The following DDX46 variants were observed in gnomAD, a reference collection of about 807,000 sequenced individuals.
DDX46 encodes the protein probable ATP-dependent RNA helicase DDX46.
A neutral mutation model predicts 134.9 loss-of-function variants in DDX46; 30 were observed. The ratio of observed to expected loss-of-function variants is 0.22; its 90% CI spans 0.17 to 0.30. The LOEUF is 0.30. Among genes scored for constraint, DDX46 ranks in the 10% least tolerant of loss-of-function variants. The pLI is 1.00. For missense variants in DDX46, 622 were observed against 1,248.7 expected (o/e 0.50, Z 7.56); for synonymous variants, 415 against 404.1 (o/e 1.03, Z -0.32).
rs1755725465 is a variant in DDX46, at chr5:134,831,089, A to G, written c.*2383A>G. On this transcript the variant is annotated 3_prime_UTR_variant, in exon 23 of 23. Coordinates refer to ENST00000452510, the MANE Select transcript of DDX46 (RefSeq NM_001300860.2). Reference sequence around the variant, plus strand: ...ATGAATATTTGCTCATGTTTTCTAAATTCCTTATAAAATAAAATTAATTCG... The same window carrying G: ...ATGAATATTTGCTCATGTTTTCTAAGTTCCTTATAAAATAAAATTAATTCG... 6.6e-6 allele frequency: 1 copy of G among 152,140 alleles called. No individual in the cohort carries two copies. The highest frequency in any genetic ancestry group is 2.1e-4 in the South Asian group (1 of 4,830). The allele number at this position is 152,140 out of a possible 1,614,324, so 9.4% of individuals were successfully genotyped here. A position where few individuals can be genotyped will look rare whatever the true frequency, so the allele number is the denominator to read the frequency against.
In DDX46 at chr5:134,815,706, CAAAAAAAAAA is replaced by C. The variant is rs374562980; in HGVS notation, c.2437-707_2437-698del. ...TGGGAGACAGAGCGAGACTCTGTCT[CAAAAAAAAAA>C]AAAAAAAAAAAAAAAAGAAATGCAC... On this transcript the variant is annotated intron_variant, in intron 18 of 22. Transcript: ENST00000452510. Among the ~76,000 whole-genome samples, 19 of 28,696 alleles carry C rather than the reference CAAAAAAAAAA, an allele frequency of 6.6e-4. No homozygotes were observed. The South Asian group carries it at 0.022, about 34-fold the overall frequency. 18.8% of individuals were successfully genotyped at this position (28,696 alleles called of 152,430 possible).
intron 3 of DDX46, 71 bp from the exon 4 acceptor site, chr5:134,770,832 A>G (rs1561852675): frequency 5.9e-6 from 8 of 1,344,966 alleles, no homozygotes; most frequent in Non-Finnish European, 8.0e-6. Flanking sequence ...AAAAAAAAAA[A>G]GTATTTAAAA....
At chr5:134,800,961 C>T (rs1580805467) in intron 15 of DDX46, among the ~76,000 whole-genome samples, 1 of 152,186 alleles carries the variant, frequency 6.6e-6, no homozygotes, top group East Asian at 2.0e-4. Flanking sequence ...CAGGCTGAGC[C>T]ACCACACCTG....
chr5:134,788,848 C>G (rs74589578), intron 12 of DDX46, among the ~76,000 whole-genome samples: 1 of 135,984 alleles, frequency 7.4e-6, no homozygotes, highest in Non-Finnish European at 1.6e-5. Context: ...GACTCCGTCT[C>G]AAAAAAAAAA....
At chr5:134,767,172 T>G in intron 3 of DDX46, 112 bp downstream of exon 3, 2 of 1,350,954 alleles carry the variant, frequency 1.5e-6, no homozygotes, top group Non-Finnish European at 2.0e-6. Context: ...TAACTGCATT[T>G]GGCTCCTACC....
chr5:134,758,836 A>G lies in DDX46; in HGVS notation c.-103A>G. The G allele has an allele frequency of 3.2e-6, 5 of 1,569,358 alleles. No homozygotes were observed. Among genetic ancestry groups the G allele is most frequent in the Non-Finnish European group, 3.5e-6 (4 of 1,141,620 alleles). Reference sequence around the variant, plus strand: ...ACAGCTGTAGGTGCTGCTAGTGTTTAGCGCTGGTCTTTGCCGGGCGTTGAG... The same window carrying G: ...ACAGCTGTAGGTGCTGCTAGTGTTTGGCGCTGGTCTTTGCCGGGCGTTGAG... On this transcript the variant is annotated 5_prime_UTR_variant, in exon 1 of 23. An upstream open reading frame in the 5' UTR loses its in-frame stop. Transcript: ENST00000452510.
At chr5:134,766,252 A>G (rs1753564939) in intron 2 of DDX46, among the ~76,000 whole-genome samples, 1 of 152,186 alleles carries the variant, frequency 6.6e-6, no homozygotes, top group Non-Finnish European at 1.5e-5. Context: ...TTTCACAAAC[A>G]TCTTTATGAA....
Position 134,816,418 on chromosome 5 carries a change from C to G in DDX46, c.2437-12C>G, listed in dbSNP as rs1290634572. 6.5e-7 allele frequency: 1 copy of G among 1,533,670 alleles called. No homozygotes were observed. Among genetic ancestry groups the G allele is most frequent in the African/African-American group, 1.4e-5 (1 of 71,080 alleles). On this transcript the variant is annotated splice_polypyrimidine_tract_variant and intron_variant, in intron 18 of 22. Coordinates refer to ENST00000452510, the MANE Select transcript of DDX46 (RefSeq NM_001300860.2). ...CAGTTTTTTACTAGTCCTTTTTTTC[C>G]TTTTGATCTAGATTGATGAGCAAAT...
intron 21 of DDX46, among the ~76,000 whole-genome samples, chr5:134,825,204 C>T (rs1205385350): frequency 1.3e-5 from 2 of 152,158 alleles, no homozygotes; most frequent in African/African-American, 4.8e-5. Flanking sequence ...ACAAGCTTCA[C>T]ACCAACTCAT....
intron 5 of DDX46, 138 bp downstream of exon 5, chr5:134,773,999 G>T: frequency 1.0e-6 from 1 of 968,344 alleles, no homozygotes; most frequent in Non-Finnish European, 1.4e-6. Context: ...ATCATTTTCA[G>T]GTTTCAATTC....
intron 8 of DDX46, among the ~76,000 whole-genome samples, chr5:134,782,399 T>C (rs1754180884): frequency 6.6e-6 from 1 of 152,164 alleles, no homozygotes; most frequent in African/African-American, 2.4e-5. Context: ...CCTAGCACTT[T>C]GGGAGGCCAA....
At chr5:134,787,405 G>C (rs1191400444) in intron 11 of DDX46, among the ~76,000 whole-genome samples, 1 of 152,136 alleles carries the variant, frequency 6.6e-6, no homozygotes, top group Non-Finnish European at 1.5e-5. Flanking sequence ...TGTATATTGT[G>C]TTGCTAGATA....
chr5:134,828,621 G>A, intron 22 of DDX46, 38 bp from the exon 23 acceptor site: 1 of 1,193,932 alleles, frequency 8.4e-7, no homozygotes, highest in South Asian at 2.0e-5. Context: ...TTTTTGTTTT[G>A]CTTTCTCTGA....
At chr5:134,760,344 G>C (rs982654909) in intron 1 of DDX46, among the ~76,000 whole-genome samples, 3 of 152,172 alleles carry the variant, frequency 2.0e-5, no homozygotes, top group Admixed American at 1.3e-4. Flanking sequence ...GAAGGCGCAA[G>C]GTGTTAGAGA....
At chr5:134,795,260 G>A (rs978079983) in intron 14 of DDX46, among the ~76,000 whole-genome samples, 1 of 142,948 alleles carries the variant, frequency 7.0e-6, no homozygotes, top group South Asian at 2.1e-4. Flanking sequence ...GCCTGAAGTC[G>A]CAGCTTTGCA....
At chr5:134,779,736 T>G (rs1047835404) in intron 6 of DDX46, among the ~76,000 whole-genome samples, 5 of 152,196 alleles carry the variant, frequency 3.3e-5, no homozygotes, top group Non-Finnish European at 7.3e-5. Context: ...GTGATCTTCC[T>G]GTCTTGGCCT....
intron 4 of DDX46, 62 bp downstream of exon 4, chr5:134,771,061 C>G (rs992873514): frequency 1.5e-6 from 1 of 682,408 alleles, no homozygotes; most frequent in Non-Finnish European, 2.5e-6. Context: ...TCTTTCTTTT[C>G]TTTCTTTCCC....
At chr5:134,782,834 C>A in intron 8 of DDX46, 111 bp from the exon 9 acceptor site, 1 of 1,365,452 alleles carries the variant, frequency 7.3e-7, no homozygotes, top group Non-Finnish European at 9.8e-7. Flanking sequence ...AGGTGTGAGC[C>A]GCTGGGTCTG....
intron 22 of DDX46, among the ~76,000 whole-genome samples, chr5:134,828,323 T>C (rs563386485): frequency 2.6e-5 from 4 of 152,284 alleles, no homozygotes; most frequent in Non-Finnish European, 4.4e-5. Flanking sequence ...GTAAAACAGC[T>C]GTTAAATCAT....
Sources: allele counts gnomAD v4.1 joint callset (sites outside exome capture counted in the v4.1 genomes callset), GRCh38; gene constraint gnomAD v4.1.1; transcripts MANE v1.5; gene names NCBI Gene and HGNC (gene_info 2026-07-23, HGNC 2026-07-21).